Variants in DTWD2 observed in about 807,000 individuals in gnomAD.
DTWD2 encodes the protein tRNA-uridine aminocarboxypropyltransferase 2.
In DTWD2, 39 loss-of-function variants were observed where a neutral mutation model predicts 31.8. The ratio of observed to expected loss-of-function variants is 1.22; its 90% CI spans 0.95 to 1.60. The LOEUF is 1.60. DTWD2 is among the 40% of genes most tolerant of loss of function. The pLI is 0.00. For missense variants in DTWD2, 515 were observed against 381.5 expected (o/e 1.35, Z -2.92); for synonymous variants, 180 against 142.8 (o/e 1.26, Z -1.86).
At chr5:118,899,491 C>T (rs138402302) in intron 4 of DTWD2, among the ~76,000 whole-genome samples, 1 of 152,280 alleles carries the variant, frequency 6.6e-6, no homozygotes, top group Non-Finnish European at 1.5e-5. Context: ...TAGAACCTAA[C>T]TATCACAAAT....
At chr5:118,885,862 G>A (rs1248876499) in intron 4 of DTWD2, among the ~76,000 whole-genome samples, 1 of 152,118 alleles carries the variant, frequency 6.6e-6, no homozygotes, top group Non-Finnish European at 1.5e-5. Context: ...CTACTTAGGG[G>A]GCTGAGGTGT....
At chr5:118,867,560 C>T (rs540871097) in intron 4 of DTWD2, among the ~76,000 whole-genome samples, 14 of 152,220 alleles carry the variant, frequency 9.2e-5, no homozygotes, top group Admixed American at 2.0e-4. Flanking sequence ...GTTACCTAAC[C>T]TCTCTGGTCT....
chr5:118,913,990 T>G (rs959909531), intron 4 of DTWD2, among the ~76,000 whole-genome samples: 12 of 148,062 alleles, frequency 8.1e-5, no homozygotes, highest in African/African-American at 3.1e-4. Flanking sequence ...ATAAAATAAA[T>G]TAATATGTAT....
intron 4 of DTWD2, among the ~76,000 whole-genome samples, chr5:118,924,730 A>C (rs548296996): frequency 6.6e-6 from 1 of 152,334 alleles, no homozygotes; most frequent in Non-Finnish European, 1.5e-5. Flanking sequence ...TTTACAATCG[A>C]AGTTTTCCAT....
At chr5:118,861,288 T>C (rs1752255062) in intron 4 of DTWD2, among the ~76,000 whole-genome samples, 1 of 152,230 alleles carries the variant, frequency 6.6e-6, no homozygotes, top group Admixed American at 6.5e-5. Context: ...AAGTTTATGA[T>C]TAGAGTAAGC....
At chr5:118,931,397 T>G (rs1753919737) in intron 3 of DTWD2, among the ~76,000 whole-genome samples, 1 of 129,478 alleles carries the variant, frequency 7.7e-6, no homozygotes, top group Non-Finnish European at 1.5e-5. Context: ...AGACCTTGTC[T>G]TAAAAAAAAA....
At chr5:118,902,008 ATTAT>A (rs1753220988) in intron 4 of DTWD2, among the ~76,000 whole-genome samples, 1 of 152,322 alleles carries the variant, frequency 6.6e-6, no homozygotes, top group South Asian at 2.1e-4. Context: ...ATTACTTTTT[ATTAT>A]TTAAGTATTT....
chr5:118,946,580 C>A (rs138687461), intron 1 of DTWD2, among the ~76,000 whole-genome samples: 6 of 152,158 alleles, frequency 3.9e-5, no homozygotes, highest in African/African-American at 1.4e-4. Context: ...AAACATGTTT[C>A]TCCAACATAA....
At chr5:118,931,388 G>A (rs866368341) in intron 3 of DTWD2, among the ~76,000 whole-genome samples, 6 of 129,996 alleles carry the variant, frequency 4.6e-5, no homozygotes, top group African/African-American at 1.5e-4. Context: ...AACAGAACGA[G>A]ACCTTGTCTT....
At chr5:118,882,678 G>C (rs1227721157) in intron 4 of DTWD2, among the ~76,000 whole-genome samples, 1 of 152,216 alleles carries the variant, frequency 6.6e-6, no homozygotes, top group Non-Finnish European at 1.5e-5. Context: ...GCCAAAGCTT[G>C]GGGCTTGCAC....
At chr5:118,898,496 GA>G (rs770013888) in intron 4 of DTWD2, among the ~76,000 whole-genome samples, 2,512 of 141,336 alleles carry the variant, frequency 0.018, 54 homozygotes, top group African/African-American at 0.057. Flanking sequence ...CGTCGCTACT[GA>G]AAAAAAAAAA....
intron 4 of DTWD2, among the ~76,000 whole-genome samples, chr5:118,885,657 C>T (rs1381887326): frequency 6.7e-6 from 1 of 150,258 alleles, no homozygotes; most frequent in Non-Finnish European, 1.5e-5. Flanking sequence ...CCCAGCTACT[C>T]GGGAGGCTGT....
At chr5:118,978,753 C>A (rs1286066846) in intron 1 of DTWD2, among the ~76,000 whole-genome samples, 1 of 152,090 alleles carries the variant, frequency 6.6e-6, no homozygotes, top group Non-Finnish European at 1.5e-5. Flanking sequence ...CACCTGTAAT[C>A]CCAGCACTTC....
At chr5:118,895,377 G>T (rs555727991) in intron 4 of DTWD2, among the ~76,000 whole-genome samples, 1 of 152,130 alleles carries the variant, frequency 6.6e-6, no homozygotes, top group Non-Finnish European at 1.5e-5. Flanking sequence ...CAAAAAAATG[G>T]AAAGATATCC....
intron 4 of DTWD2, among the ~76,000 whole-genome samples, chr5:118,895,367 C>CA (rs1447184415): frequency 1.3e-5 from 2 of 151,964 alleles, no homozygotes; most frequent in Non-Finnish European, 2.9e-5. Context: ...AGAGGACATA[C>CA]AAAAAAATGG....
chr5:118,967,264 T>C (rs1285317990), intron 1 of DTWD2, among the ~76,000 whole-genome samples: 1 of 152,182 alleles, frequency 6.6e-6, no homozygotes, highest in African/African-American at 2.4e-5. Flanking sequence ...ATGGTTTCTT[T>C]ACATAAGTGT....
At chr5:118,844,983 C>CA (rs1561422671) in intron 5 of DTWD2, among the ~76,000 whole-genome samples, 1 of 151,894 alleles carries the variant, frequency 6.6e-6, no homozygotes, top group African/African-American at 2.4e-5. Flanking sequence ...CCCATCTCTA[C>CA]AAAAAATACA....
intron 5 of DTWD2, among the ~76,000 whole-genome samples, chr5:118,846,569 T>G (rs1751857745): frequency 6.6e-6 from 1 of 151,992 alleles, no homozygotes; most frequent in Non-Finnish European, 1.5e-5. Flanking sequence ...GAGTTTTACA[T>G]CAACAAAAAA....
chr5:118,846,222 A>G (rs1005168808), intron 5 of DTWD2, among the ~76,000 whole-genome samples: 2 of 152,204 alleles, frequency 1.3e-5, no homozygotes, highest in African/African-American at 2.4e-5. Context: ...ATATTAATTA[A>G]TATAATGTAC....
Sources: gnomAD v4.1 joint callset for allele counts (sites outside exome capture counted in the v4.1 genomes callset) on GRCh38, gnomAD v4.1.1 for gene constraint, MANE v1.5 for transcripts, NCBI Gene and HGNC (gene_info 2026-07-23, HGNC 2026-07-21) for gene names.